The following BABAM2 variants were observed in gnomAD, a reference collection of about 807,000 sequenced individuals.
BABAM2 encodes BRISC and BRCA1-A complex member 2.
In BABAM2, 31 loss-of-function variants were observed where a neutral mutation model predicts 54.7. The observed-to-expected ratio is 0.57, with a 90% CI of 0.43 to 0.77. The LOEUF (loss-of-function observed/expected upper bound fraction) is 0.77, where lower values mean the gene tolerates loss of function less well. BABAM2 is among the 30% of genes least tolerant of loss of function. The pLI, the probability that BABAM2 is intolerant of heterozygous loss-of-function variation, is 0.00. For synonymous variants in BABAM2, 167 were observed against 162.9 expected (o/e 1.03, Z -0.19); for missense variants, 364 against 455.8 (o/e 0.80, Z 1.83).
At chr2:28,168,667 A>G (rs1351621966) in intron 7 of BABAM2, among the ~76,000 whole-genome samples, 2 of 152,234 alleles carry the variant, frequency 1.3e-5, no homozygotes, top group African/African-American at 4.8e-5. Context: ...CAAAAGCTTC[A>G]TTCCGATCAG....
intron 6 of BABAM2, among the ~76,000 whole-genome samples, chr2:28,047,443 G>A (rs1459255981): frequency 6.6e-6 from 1 of 152,114 alleles, no homozygotes; most frequent in Non-Finnish European, 1.5e-5. Context: ...TACAGTTACA[G>A]TGCTTTGTTT....
intron 5 of BABAM2, among the ~76,000 whole-genome samples, chr2:28,031,243 C>T (rs527847882): frequency 6.6e-6 from 1 of 152,078 alleles, no homozygotes; most frequent in Non-Finnish European, 1.5e-5. Context: ...TCTGTGGAAG[C>T]GTTCCACCTA....
intron 10 of BABAM2, among the ~76,000 whole-genome samples, chr2:28,284,620 A>G (rs1418955239): frequency 2.0e-5 from 3 of 152,178 alleles, no homozygotes; most frequent in Non-Finnish European, 4.4e-5. Flanking sequence ...CTCTAGAGCT[A>G]TGATTTTTTA....
At chr2:27,932,669 G>T (rs1280510608) in intron 3 of BABAM2, among the ~76,000 whole-genome samples, 1 of 152,130 alleles carries the variant, frequency 6.6e-6, no homozygotes, top group Non-Finnish European at 1.5e-5. Flanking sequence ...CAGGGGGTAC[G>T]TATATAGACT....
intron 6 of BABAM2, among the ~76,000 whole-genome samples, chr2:28,107,313 T>A (rs1667612708): frequency 6.6e-6 from 1 of 152,228 alleles, no homozygotes; most frequent in African/African-American, 2.4e-5. Flanking sequence ...CGTAGAATAC[T>A]GTAAAACAGT....
At chr2:28,302,376 C>G (rs1688176979) in intron 11 of BABAM2, among the ~76,000 whole-genome samples, 1 of 151,150 alleles carries the variant, frequency 6.6e-6, no homozygotes, top group African/African-American at 2.4e-5. Context: ...AAGATCACAC[C>G]ACTGCACTCC....
chr2:27,965,847 C>T (rs563386496), intron 3 of BABAM2, among the ~76,000 whole-genome samples: 1 of 152,042 alleles, frequency 6.6e-6, no homozygotes, highest in South Asian at 2.1e-4. Flanking sequence ...TCCTTTTCCT[C>T]CTCCTTGTTT....
At chr2:27,908,295 C>T (rs1457945698) in intron 2 of BABAM2, among the ~76,000 whole-genome samples, 4 of 151,668 alleles carry the variant, frequency 2.6e-5, no homozygotes, top group African/African-American at 4.9e-5. Context: ...TATGGTCTCA[C>T]GGGTCTCACT....
At chr2:27,968,283 T>C (rs1195655195) in intron 3 of BABAM2, among the ~76,000 whole-genome samples, 8 of 152,278 alleles carry the variant, frequency 5.3e-5, no homozygotes. Flanking sequence ...GGGAACAATG[T>C]AGAGCTTGGG....
rs984216050 is a variant in BABAM2 at position 28,203,342 on chromosome 2, A to G, written c.681-33860A>G. 3.9e-5 allele frequency among the ~76,000 whole-genome samples: 6 copies of G among 152,186 alleles called. 1 individual carries two copies. The highest frequency in any genetic ancestry group is 9.7e-5 in the African/African-American group (4 of 41,446). On this transcript the variant is annotated intron_variant, in intron 7 of 11. Coordinates refer to ENST00000379624, the MANE Select transcript of BABAM2 (RefSeq NM_199191.3). ...AGCCTATTTTATTCCATTTAGCTAC[A>G]TATGTCAATCATGAATTTTTGGAAG...
intron 4 of BABAM2, among the ~76,000 whole-genome samples, chr2:28,005,135 A>G (rs549357571): frequency 1.3e-5 from 2 of 152,174 alleles, no homozygotes; most frequent in Non-Finnish European, 1.5e-5. Flanking sequence ...TTGAGTTTAT[A>G]TATTTTTATT....
intron 6 of BABAM2, among the ~76,000 whole-genome samples, chr2:28,118,069 G>C (rs1668758270): frequency 6.6e-6 from 1 of 152,128 alleles, no homozygotes. Context: ...TCTGGCACAA[G>C]GTTTTTATCA....
intron 3 of BABAM2, among the ~76,000 whole-genome samples, chr2:27,963,899 A>G (rs1379617414): frequency 6.6e-6 from 1 of 152,226 alleles, no homozygotes; most frequent in Non-Finnish European, 1.5e-5. Context: ...ACTGTGACAT[A>G]TGACAAAATT....
intron 7 of BABAM2, among the ~76,000 whole-genome samples, chr2:28,185,575 G>A (rs879273300): frequency 1.3e-5 from 2 of 151,978 alleles, no homozygotes; most frequent in Admixed American, 6.6e-5. Context: ...CTTTTATCTC[G>A]ATGCATTTTT....
intron 6 of BABAM2, among the ~76,000 whole-genome samples, chr2:28,050,249 AT>A (rs1677900439): frequency 6.6e-6 from 1 of 152,238 alleles, no homozygotes; most frequent in Admixed American, 6.5e-5. Flanking sequence ...AATGATAAAT[AT>A]TGTTTACAAA....
At chr2:28,110,342 G>A (rs1667891537) in intron 6 of BABAM2, among the ~76,000 whole-genome samples, 1 of 152,118 alleles carries the variant, frequency 6.6e-6, no homozygotes, top group South Asian at 2.1e-4. Flanking sequence ...ACACAGGTGT[G>A]GCTGGGTGTG....
At chr2:28,167,856 C>T (rs1316874517) in intron 7 of BABAM2, among the ~76,000 whole-genome samples, 2 of 152,036 alleles carry the variant, frequency 1.3e-5, no homozygotes, top group African/African-American at 4.8e-5. Context: ...TCATGATGTT[C>T]AGATGCTAAG....
At chr2:28,286,076 G>A (rs557330514) in intron 10 of BABAM2, among the ~76,000 whole-genome samples, 16 of 150,996 alleles carry the variant, frequency 1.1e-4, no homozygotes, top group East Asian at 7.8e-4. Flanking sequence ...CTGCCTCAGC[G>A]TCCTGAGTAG....
intron 2 of BABAM2, among the ~76,000 whole-genome samples, chr2:27,902,924 T>A (rs112595719): frequency 0.033 from 4,997 of 150,016 alleles, 116 homozygotes; most frequent in South Asian, 0.1. Context: ...TGTGTGTGTG[T>A]GAGAGAGAGA....
Sources: allele counts gnomAD v4.1 joint callset (sites outside exome capture counted in the v4.1 genomes callset), GRCh38; gene constraint gnomAD v4.1.1; transcripts MANE v1.5; gene names NCBI Gene and HGNC (gene_info 2026-07-23, HGNC 2026-07-21).